The following SPAST variants were observed in gnomAD, a reference collection of about 807,000 sequenced individuals.
SPAST encodes the protein spastin, also known as spastic paraplegia 4 (autosomal dominant; spastin).
SPAST carries 30 observed loss-of-function variants against 76.6 expected under a neutral mutation model. The ratio of observed to expected loss-of-function variants is 0.39; its 90% CI spans 0.29 to 0.53. SPAST has a LOEUF of 0.53. Among genes scored for constraint, SPAST ranks in the 20% least tolerant of loss-of-function variants. The pLI is 0.68. For synonymous variants in SPAST, 305 were observed against 281.0 expected (o/e 1.09, Z -0.86); for missense variants, 717 against 770.5 (o/e 0.93, Z 0.82).
chr2:32,104,606 T>C (rs1315932768), intron 4 of SPAST, among the ~76,000 whole-genome samples: 3 of 152,212 alleles, frequency 2.0e-5, no homozygotes, highest in East Asian at 1.9e-4. Context: ...TTCATTTCCA[T>C]GTTCAGTGCT....
At position 32,098,895 on chromosome 2, in the gene SPAST, G is replaced by A. The variant is rs1678018471; in HGVS notation, c.682+4G>A. On this transcript the variant is annotated splice_donor_region_variant and intron_variant, in intron 4 of 16. Coordinates refer to ENST00000315285, the MANE Select transcript of SPAST (RefSeq NM_014946.4). ...CGCAATGGACATCTCCAGTCAGGTG[G>A]GTTTAGGTTAACTAACATAAAATAA... The A allele has an allele frequency of 1.3e-6, 2 of 1,596,166 alleles. No homozygotes were observed. The highest frequency in any genetic ancestry group is 1.7e-5 in the Admixed American group (1 of 59,960).
intron 5 of SPAST, 91 bp downstream of exon 5, chr2:32,114,916 TTA>T: frequency 1.1e-6 from 1 of 909,492 alleles, no homozygotes; most frequent in Non-Finnish European, 1.8e-6. Flanking sequence ...CATAAGTACT[TTA>T]TAATACTTTA....
At chr2:32,125,518 C>G (rs1477031527) in intron 7 of SPAST, among the ~76,000 whole-genome samples, 1 of 151,996 alleles carries the variant, frequency 6.6e-6, no homozygotes, top group Non-Finnish European at 1.5e-5. Flanking sequence ...CCACTGCGCC[C>G]AGCAGGTTTT....
intron 4 of SPAST, among the ~76,000 whole-genome samples, chr2:32,101,478 T>A (rs1369577746): frequency 6.6e-6 from 1 of 152,222 alleles, no homozygotes; most frequent in African/African-American, 2.4e-5. Flanking sequence ...TAGATCCCAT[T>A]TGTCAATTTT....
chr2:32,090,877 C>T (rs1677680731), intron 3 of SPAST, among the ~76,000 whole-genome samples: 2 of 152,028 alleles, frequency 1.3e-5, no homozygotes, highest in South Asian at 2.1e-4. Context: ...TAGACTACTT[C>T]CTAGGTGGTT....
chr2:32,094,528 GGCC>G (rs1677847636), intron 3 of SPAST, among the ~76,000 whole-genome samples: 1 of 152,168 alleles, frequency 6.6e-6, no homozygotes, highest in African/African-American at 2.4e-5. Flanking sequence ...GCAGCAAAGA[GGCC>G]AATGTGTTCC....
At chr2:32,076,400 C>G (rs985469881) in intron 1 of SPAST, among the ~76,000 whole-genome samples, 1 of 151,584 alleles carries the variant, frequency 6.6e-6, no homozygotes, top group African/African-American at 2.4e-5. Context: ...ATTTTTTTTT[C>G]TTGTAGACAC....
chr2:32,152,146 A>T (rs1680106843), intron 16 of SPAST, among the ~76,000 whole-genome samples: 5 of 152,130 alleles, frequency 3.3e-5, no homozygotes, highest in Admixed American at 3.3e-4. Flanking sequence ...CCTTAACTGA[A>T]CCAGCTACCA....
chr2:32,135,877 C>G (rs1679519370), intron 9 of SPAST, among the ~76,000 whole-genome samples: 1 of 152,008 alleles, frequency 6.6e-6, no homozygotes, highest in South Asian at 2.1e-4. Context: ...TAAAGACTAT[C>G]TAATGAATTT....
At chr2:32,103,670 T>G (rs1165490721) in intron 4 of SPAST, among the ~76,000 whole-genome samples, 1 of 152,234 alleles carries the variant, frequency 6.6e-6, no homozygotes, top group Non-Finnish European at 1.5e-5. Flanking sequence ...TGTTGTGTCT[T>G]TGTTCTCGTT....
intron 5 of SPAST, among the ~76,000 whole-genome samples, 178 bp downstream of exon 5, chr2:32,115,003 C>T (rs538071992): frequency 1.9e-4 from 26 of 140,210 alleles, no homozygotes; most frequent in South Asian, 8.8e-4. Context: ...GGCTGGAGTG[C>T]AATGGCGCGA....
chr2:32,087,465 C>G (rs1306160757), intron 1 of SPAST, 27 bp from the exon 2 acceptor site: 5 of 1,386,378 alleles, frequency 3.6e-6, no homozygotes, highest in Non-Finnish European at 5.1e-6. Context: ...TTCATACGAT[C>G]TATACAAATA....
intron 16 of SPAST, among the ~76,000 whole-genome samples, chr2:32,150,045 A>G (rs1324524180): frequency 7.2e-6 from 1 of 138,336 alleles, no homozygotes; most frequent in African/African-American, 2.7e-5. Flanking sequence ...TTTTTTTTTT[A>G]AGAAAGCTTT....
At chr2:32,129,842 T>C (rs957542353) in intron 9 of SPAST, 5 of 151,746 alleles carry the variant, frequency 3.3e-5, no homozygotes, top group African/African-American at 1.2e-4. Flanking sequence ...CTTCCAAAAA[T>C]AAAAAATAGA....
Position 32,128,476 on chromosome 2 carries a change from A to G in SPAST, c.1242A>G (p.Lys414=), listed in dbSNP as rs1553317048. 1 of 1,592,478 alleles carries G rather than the reference A, an allele frequency of 6.3e-7. No homozygotes were observed. The highest frequency in any genetic ancestry group is 8.6e-7 in the Non-Finnish European group (1 of 1,160,402). Residue 414 remains lysine (K), a synonymous_variant, in exon 9 of 17, where the codon AAA becomes AAG. Transcript: ENST00000315285. ...TAAGTGCTGCAAGTTTAACTTCAAA[A>G]TACGTGAGTGCTCTGTTTCCAATAT... ...FNISAASLTS[K]YVGEGEKLVR...
At chr2:32,089,631 T>G (rs753125838) in intron 3 of SPAST, 26 bp downstream of exon 3, 2 of 1,125,826 alleles carry the variant, frequency 1.8e-6, no homozygotes, top group Admixed American at 1.7e-5. Flanking sequence ...TAATTTGATG[T>G]GGGATGTATT....
intron 7 of SPAST, among the ~76,000 whole-genome samples, chr2:32,119,827 C>T (rs575241494): frequency 3.9e-5 from 6 of 152,202 alleles, no homozygotes; most frequent in Admixed American, 6.5e-5. Context: ...ACTAAGAAAG[C>T]GTATATTCTT....
Position 32,147,265 on chromosome 2 carries a change from T to C in SPAST, c.1728+7T>C, listed in dbSNP as rs749169977. ...GAATATGTCTGCCAGTGAGGTATAG[T>C]ATTTTACAATGATATTTTCTTTGTC... On this transcript the variant is annotated splice_region_variant and intron_variant, in intron 16 of 16. Transcript: ENST00000315285. 5.0e-6 allele frequency: 8 copies of C among 1,584,442 alleles called. No individual in the cohort carries two copies. Among genetic ancestry groups the C allele is most frequent in the Non-Finnish European group, 6.1e-6 (7 of 1,153,390 alleles).
intron 12 of SPAST, among the ~76,000 whole-genome samples, chr2:32,139,830 C>A: frequency 6.9e-6 from 1 of 145,504 alleles, no homozygotes; most frequent in African/African-American, 2.6e-5. Flanking sequence ...GAATCCGTTT[C>A]CAAAATTAAA....
Sources: gnomAD v4.1 joint callset for allele counts (sites outside exome capture counted in the v4.1 genomes callset) on GRCh38, gnomAD v4.1.1 for gene constraint, MANE v1.5 for transcripts, NCBI Gene and HGNC (gene_info 2026-07-23, HGNC 2026-07-21) for gene names.